The following NRAP variants were observed in gnomAD, a reference collection of about 807,000 sequenced individuals.
The protein encoded by NRAP is nebulin related anchoring protein.
In NRAP, 189 loss-of-function variants were observed where a neutral mutation model predicts 225.9. The observed-to-expected ratio is 0.84, with a 90% CI of 0.74 to 0.94. The LOEUF is 0.94. Ranked by LOEUF, NRAP falls within the 40% of genes least tolerant of loss-of-function variation. The probability of loss-of-function intolerance (pLI) is 0.00; values close to 1 mark genes in which losing one functional copy is unlikely to be tolerated. For synonymous variants in NRAP, 769 were observed against 790.7 expected, an observed-to-expected ratio of 0.97 and a Z score of 0.46; for missense variants, 2,176 against 2,168.7, an observed-to-expected ratio of 1.00 and a Z score of -0.07.
At chr10:113,591,332 G>C (rs988881571) in intron 39 of NRAP, among the ~76,000 whole-genome samples, 2 of 152,204 alleles carry the variant, frequency 1.3e-5, no homozygotes, top group Admixed American at 1.3e-4. Context: ...CTACAGTGAA[G>C]GGCCAGTCCC....
chr10:113,637,778 G>A lies in NRAP; in HGVS notation c.1428+2449C>T, dbSNP rs571065882. Among the ~76,000 whole-genome samples, 4 of 152,096 alleles carry A rather than the reference G, an allele frequency of 2.6e-5. No individual in the cohort carries two copies. In the South Asian group the frequency reaches 6.2e-4, roughly 24 times the overall value. ...ATCTCTACTAAAAATACAAAATTAG[G>A]GAGCGTGGTGGCGCATGCCTGTAAT... is the stretch of plus-strand genomic sequence containing the variant. On this transcript the variant is annotated intron_variant, in intron 14 of 41. Transcript: ENST00000359988.
chr10:113,609,083 C>T (rs191703331), intron 31 of NRAP, among the ~76,000 whole-genome samples: 37 of 152,302 alleles, frequency 2.4e-4, no homozygotes, highest in Non-Finnish European at 3.7e-4. Context: ...TCGCTTGAAC[C>T]TGGGAGGCGG....
At chr10:113,647,512 ACTGTCTCCCCCG>A (rs1564752455) in intron 9 of NRAP, among the ~76,000 whole-genome samples, 2 of 149,138 alleles carry the variant, frequency 1.3e-5, no homozygotes, top group African/African-American at 5.0e-5. Flanking sequence ...CCCAAGTGGT[ACTGTCTCCCCCG>A]GTGGTACTGT....
chr10:113,598,278 T>A (rs1460032236), intron 35 of NRAP, among the ~76,000 whole-genome samples: 2 of 147,662 alleles, frequency 1.4e-5, no homozygotes, highest in African/African-American at 5.0e-5. Context: ...ATGCATCACA[T>A]ACGAGATACA....
At chr10:113,606,000 C>T in intron 33 of NRAP, 131 bp from the exon 34 acceptor site, 6 of 801,998 alleles carry the variant, frequency 7.5e-6, no homozygotes, top group Admixed American at 3.8e-5. Context: ...CATTAGTACA[C>T]ACCCTGGGTA....
chr10:113,589,492 T>A, intron 41 of NRAP, 174 bp downstream of exon 41: 1 of 710,742 alleles, frequency 1.4e-6, no homozygotes, highest in Non-Finnish European at 2.3e-6. Flanking sequence ...AACCTGCGTG[T>A]CATCTGCCTG....
intron 27 of NRAP, 144 bp from the exon 28 acceptor site, chr10:113,615,090 T>A: frequency 1.0e-5 from 5 of 489,994 alleles, no homozygotes; most frequent in East Asian, 4.5e-5. Context: ...GTGGCTTAGC[T>A]AAACCCACGT....
rs1235304841 is a variant in NRAP at position 113,612,231 on chromosome 10, T to G, written c.3498+3A>C. On this transcript the variant is annotated splice_donor_region_variant and intron_variant, in intron 30 of 41. Transcript: ENST00000359988. ...CCCTGAGAAAGAGGCCAGGTCTCCT[T>G]ACCTCACTCTGCAATTTGTGAGCTT... is the stretch of plus-strand genomic sequence containing the variant. The G allele has an allele frequency of 6.2e-7, 1 of 1,613,564 alleles. No individual in the cohort carries two copies. Among genetic ancestry groups the G allele is most frequent in the Admixed American group, 1.7e-5 (1 of 60,018 alleles).
At chr10:113,655,454 T>TCTTCCATTC (rs60448877) in intron 4 of NRAP, among the ~76,000 whole-genome samples, 1 of 87,498 alleles carries the variant, frequency 1.1e-5, no homozygotes, top group African/African-American at 5.5e-5. Context: ...GTACATCCAT[T>TCTTCCATTC]TTTTTTTTTT....
chr10:113,609,866 C>T (rs537175041), intron 31 of NRAP, among the ~76,000 whole-genome samples: 1 of 151,792 alleles, frequency 6.6e-6, no homozygotes, highest in South Asian at 2.1e-4. Context: ...GAGAATATCG[C>T]ATGGGCCAGT....
Position 113,605,885 on chromosome 10 carries a change from A to G in NRAP, c.3808-16T>C. 7 of 1,572,930 alleles carry G rather than the reference A, an allele frequency of 4.5e-6. No homozygotes were observed. The highest frequency in any genetic ancestry group is 6.1e-6 in the Non-Finnish European group (7 of 1,144,774). On this transcript the variant is annotated splice_polypyrimidine_tract_variant and intron_variant, in intron 33 of 41. Coordinates refer to ENST00000359988, the MANE Select transcript of NRAP (RefSeq NM_198060.4). ...TGTATCTTGCCTAAAGTGGGAACACATGTAAATCTTTTTTAAAAAATTACA... is the reference window on the plus strand; with the variant it reads ...TGTATCTTGCCTAAAGTGGGAACACGTGTAAATCTTTTTTAAAAAATTACA...
intron 35 of NRAP, among the ~76,000 whole-genome samples, chr10:113,601,351 A>G (rs538191065): frequency 1.6e-4 from 25 of 152,362 alleles, no homozygotes; most frequent in African/African-American, 5.8e-4. Flanking sequence ...CGTAATGCCT[A>G]TTTAGCACTT....
intron 41 of NRAP, 169 bp from the exon 42 acceptor site, chr10:113,589,248 G>A (rs1265491710): frequency 1.7e-6 from 1 of 603,244 alleles, no homozygotes; most frequent in South Asian, 2.1e-5. Context: ...TTCAAGGCAG[G>A]AATGAGAAAG....
chr10:113,612,077 G>A (rs1052358727), intron 30 of NRAP, among the ~76,000 whole-genome samples, 157 bp downstream of exon 30: 5 of 152,138 alleles, frequency 3.3e-5, no homozygotes, highest in African/African-American at 1.2e-4. Context: ...TGTGCTTAAG[G>A]GATGTGCAGG....
At chr10:113,614,728 C>T (rs982557104) in intron 28 of NRAP, 111 bp downstream of exon 28, 31 of 704,410 alleles carry the variant, frequency 4.4e-5, no homozygotes, top group East Asian at 1.5e-4. Flanking sequence ...ACAGTCAGTT[C>T]GGAGAGGACA....
intron 40 of NRAP, among the ~76,000 whole-genome samples, chr10:113,590,271 TGAG>T (rs1845885916): frequency 6.6e-6 from 1 of 152,188 alleles, no homozygotes; most frequent in African/African-American, 2.4e-5. Context: ...TATGGGATCT[TGAG>T]TAAGTCACTG....
intron 35 of NRAP, among the ~76,000 whole-genome samples, chr10:113,602,863 G>A (rs1322175179): frequency 6.6e-6 from 1 of 152,124 alleles, no homozygotes; most frequent in Admixed American, 6.5e-5. Flanking sequence ...GGATAACTTC[G>A]TCTCTCAGGG....
intron 12 of NRAP, among the ~76,000 whole-genome samples, chr10:113,642,713 C>T (rs192678678): frequency 2.4e-4 from 37 of 152,280 alleles, no homozygotes; most frequent in African/African-American, 8.4e-4. Flanking sequence ...GGACAGGTCC[C>T]GCCCAGAGGA....
chr10:113,641,105 G>A (rs1849175454), intron 13 of NRAP, among the ~76,000 whole-genome samples: 1 of 152,140 alleles, frequency 6.6e-6, no homozygotes, highest in African/African-American at 2.4e-5. Context: ...TAACCACACT[G>A]GATTCATTAT....
Sources: allele counts gnomAD v4.1 joint callset (sites outside exome capture counted in the v4.1 genomes callset), GRCh38; gene constraint gnomAD v4.1.1; transcripts MANE v1.5; gene names NCBI Gene and HGNC (gene_info 2026-07-23, HGNC 2026-07-21).